Variants in LMO7 observed in about 807,000 individuals in gnomAD.
The protein encoded by LMO7 is LIM domain only protein 7.
A neutral mutation model predicts 206.5 loss-of-function variants in LMO7; 120 were observed. The observed-to-expected ratio is 0.58, with a 90% confidence interval of 0.50 to 0.68. The LOEUF (loss-of-function observed/expected upper bound fraction) is 0.68, where lower values mean the gene tolerates loss of function less well. Among genes scored for constraint, LMO7 ranks in the 30% least tolerant of loss-of-function variants. The probability of loss-of-function intolerance (pLI) is 0.00; values close to 1 mark genes in which losing one functional copy is unlikely to be tolerated. For missense variants in LMO7, 1,959 were observed against 1,957.9 expected (o/e 1.00, Z -0.01); for synonymous variants, 706 against 681.5 (o/e 1.04, Z -0.56).
chr13:75,741,331 TA>T (rs1230965743), intron 3 of LMO7, among the ~76,000 whole-genome samples: 2 of 152,312 alleles, frequency 1.3e-5, no homozygotes, highest in African/African-American at 4.8e-5. Context: ...AGTACTATAG[TA>T]TTACCATTAT....
chr13:75,620,918 T>C (rs1593792166), exon 1 of LMO7: 1 of 151,218 alleles, frequency 6.6e-6, no homozygotes, highest in Non-Finnish European at 1.5e-5. Context: ...ATAGTGGCTG[T>C]ACAAAAAAAA....
chr13:75,823,559 A>G lies in LMO7; in HGVS notation c.2641-6A>G. On this transcript the variant is annotated splice_polypyrimidine_tract_variant and splice_region_variant and intron_variant, in intron 14 of 30. Transcript: ENST00000377534. The stretch of plus-strand genomic sequence containing the variant: ...ATCAAGTTTAAAATGATGTTTTCTT[A>G]TTTAGATGGATGATGCTTGGAAGTA... 1.3e-6 allele frequency: 2 copies of G among 1,586,702 alleles called. No individual in the cohort carries two copies. Among genetic ancestry groups the G allele is most frequent in the East Asian group, 2.3e-5 (1 of 44,338 alleles).
At chr13:75,821,968 A>C (rs73227989) in intron 14 of LMO7, among the ~76,000 whole-genome samples, 1,682 of 151,850 alleles carry the variant, frequency 0.011, 18 homozygotes, top group Non-Finnish European at 0.016. Context: ...TGACCTATAA[A>C]ACAGCAATTC....
intron 6 of LMO7, among the ~76,000 whole-genome samples, chr13:75,797,961 A>G (rs933061609): frequency 6.6e-6 from 1 of 152,244 alleles, no homozygotes; most frequent in Non-Finnish European, 1.5e-5. Flanking sequence ...ATAGGTGAGC[A>G]TATTGGTCAC....
At chr13:75,701,053 G>T (rs2042252220) in intron 1 of LMO7, among the ~76,000 whole-genome samples, 1 of 152,042 alleles carries the variant, frequency 6.6e-6, no homozygotes, top group Non-Finnish European at 1.5e-5. Flanking sequence ...CCACTTTTTG[G>T]CTGTTATGAA....
chr13:75,743,967 T>A (rs889423153), intron 3 of LMO7, among the ~76,000 whole-genome samples: 1 of 152,226 alleles, frequency 6.6e-6, no homozygotes, highest in African/African-American at 2.4e-5. Context: ...CCACTTGTAA[T>A]TTGACATAGT....
chr13:75,703,740 G>GTGTGTGTGCGCGCA (rs1555297527), intron 1 of LMO7, among the ~76,000 whole-genome samples: 21 of 115,082 alleles, frequency 1.8e-4, no homozygotes, highest in African/African-American at 7.9e-4. Context: ...GTGTGTGTGT[G>GTGTGTGTGCGCGCA]CACTGTGAGG....
At chr13:75,759,206 G>A (rs2047942500) in intron 3 of LMO7, among the ~76,000 whole-genome samples, 2 of 152,120 alleles carry the variant, frequency 1.3e-5, no homozygotes, top group Non-Finnish European at 1.5e-5. Context: ...CTCTCCCTTG[G>A]CATGCAGGGA....
intron 13 of LMO7, 70 bp from the exon 14 acceptor site, chr13:75,821,107 A>G: frequency 8.1e-7 from 1 of 1,227,386 alleles, no homozygotes; most frequent in Non-Finnish European, 1.1e-6. Flanking sequence ...TCATGCGTTG[A>G]TTACTCTCTC....
At chr13:75,794,841 G>A (rs2053754245) in intron 4 of LMO7, among the ~76,000 whole-genome samples, 1 of 152,046 alleles carries the variant, frequency 6.6e-6, no homozygotes, top group African/African-American at 2.4e-5. Context: ...AGAGGTTCAT[G>A]GCTGTTTTTT....
intron 1 of LMO7, among the ~76,000 whole-genome samples, chr13:75,704,256 A>C (rs2042496665): frequency 6.6e-6 from 1 of 152,154 alleles, no homozygotes; most frequent in African/African-American, 2.4e-5. Context: ...ATTATGGCAA[A>C]CATGGCTCTT....
upstream of LMO7, among the ~76,000 whole-genome samples, chr13:75,632,520 T>G (rs1211218519): frequency 6.6e-6 from 1 of 152,214 alleles, no homozygotes; most frequent in Non-Finnish European, 1.5e-5. Flanking sequence ...TCCACCATCA[T>G]ATTTAATTCT....
chr13:75,714,757 TTTATC>T (rs1267274800), intron 2 of LMO7, among the ~76,000 whole-genome samples: 1 of 152,196 alleles, frequency 6.6e-6, no homozygotes, highest in African/African-American at 2.4e-5. Context: ...GGGAAGTTAC[TTTATC>T]TTAATTTGAA....
In LMO7 at chr13:75,807,825, AGAT is replaced by A; in HGVS notation, c.1546_1548del (p.Asp516del). 1.9e-6 allele frequency: 3 copies of A among 1,613,946 alleles called. No individual in the cohort carries two copies. The highest frequency in any genetic ancestry group is 2.5e-6 in the Non-Finnish European group (3 of 1,179,882). On this transcript the variant is annotated inframe_deletion, in exon 10 of 31. Coordinates refer to ENST00000377534, the MANE Select transcript of LMO7 (RefSeq NM_001306080.2). ...AACTTGTACTTCCGGATTTGGAAAA[AGAT>A]GATATGATTGTTCGCCGAATTCCAG...
intron 1 of LMO7, among the ~76,000 whole-genome samples, chr13:75,705,909 A>G (rs2042614490): frequency 6.6e-6 from 1 of 152,106 alleles, no homozygotes; most frequent in East Asian, 1.9e-4. Context: ...TTCTTCCTTT[A>G]AATAAAGGAT....
intron 2 of LMO7, among the ~76,000 whole-genome samples, chr13:75,718,992 T>G (rs1396422555): frequency 6.6e-6 from 1 of 151,842 alleles, no homozygotes; most frequent in East Asian, 1.9e-4. Flanking sequence ...TTTTTTTTTT[T>G]TTTTGAGATG....
intron 2 of LMO7, among the ~76,000 whole-genome samples, chr13:75,717,554 A>T (rs2043656873): frequency 6.6e-6 from 1 of 151,660 alleles, no homozygotes; most frequent in Admixed American, 6.6e-5. Flanking sequence ...TTTATTAAAG[A>T]TTATATATAT....
rs2061108040 is a variant in LMO7, at chr13:75,858,046, T to TTA, written c.*103_*104insTA. On this transcript the variant is annotated 3_prime_UTR_variant, in exon 31 of 31. Coordinates refer to ENST00000377534, the MANE Select transcript of LMO7 (RefSeq NM_001306080.2). ...TTGTATGTCTTTTTTGCTTTTTTTT[T>TTA]AAAAAAAAGAATAACTTTTTTTGCC... 5.1e-6 allele frequency: 7 copies of TTA among 1,369,546 alleles called. No individual in the cohort carries two copies. The highest frequency in any genetic ancestry group is 2.6e-5 in the South Asian group (2 of 76,360). 84.8% of individuals were successfully genotyped at this position (1,369,546 alleles called of 1,614,324 possible). A position where few individuals can be genotyped will look rare whatever the true frequency, so the allele number is the denominator to read the frequency against.
chr13:75,679,631 G>A (rs925638752), intron 1 of LMO7, among the ~76,000 whole-genome samples: 5 of 152,204 alleles, frequency 3.3e-5, no homozygotes, highest in Admixed American at 3.3e-4. Context: ...CCCAGGCTAG[G>A]GTGCAGTGGT....
Sources: allele counts gnomAD v4.1 joint callset (sites outside exome capture counted in the v4.1 genomes callset), GRCh38; gene constraint gnomAD v4.1.1; transcripts MANE v1.5; gene names NCBI Gene and HGNC (gene_info 2026-07-23, HGNC 2026-07-21).